CFAP251: variants seen among roughly 807,000 people sequenced by gnomAD.
The protein encoded by CFAP251 is cilia- and flagella-associated protein 251.
In CFAP251, 93 loss-of-function variants were observed where a neutral mutation model predicts 126.7. The observed-to-expected ratio is 0.73, with a 90% CI of 0.62 to 0.87. The LOEUF is 0.87. Among genes scored for constraint, CFAP251 ranks in the 40% least tolerant of loss-of-function variants. The probability of loss-of-function intolerance (pLI) is 0.00; values close to 1 mark genes in which losing one functional copy is unlikely to be tolerated. For synonymous variants in CFAP251, 503 were observed against 506.9 expected (o/e 0.99, Z 0.10); for missense variants, 1,287 against 1,389.2 (o/e 0.93, Z 1.17).
At position 121,921,464 on chromosome 12, in the gene CFAP251, G is replaced by C; in HGVS notation, c.159G>C (p.Glu53Asp). 2 of 1,509,676 alleles carry C rather than the reference G, an allele frequency of 1.3e-6. No homozygotes were observed. The highest frequency in any genetic ancestry group is 1.8e-6 in the Non-Finnish European group (2 of 1,095,368). 93.5% of individuals were successfully genotyped at this position (1,509,676 alleles called of 1,614,324 possible). A position where few individuals can be genotyped will look rare whatever the true frequency, so the allele number is the denominator to read the frequency against. ...DTIAWRESQEEERKTGEEEGE... is the reference protein window; with the variant it reads ...DTIAWRESQEDERKTGEEEGE... ...TAGCATGGAGAGAGTCTCAGGAGGA[G>C]GAGAGGAAAACGGGCGAGGAGGAAG... The change falls in exon 2 of 22, where the codon GAG (glutamate) becomes GAC (aspartate). Residue 53 changes from glutamate to aspartate, a missense_variant. Physicochemically the swap from Glu to Asp is conservative, Grantham distance 45 (BLOSUM62 2). Coordinates refer to ENST00000288912, the MANE Select transcript of CFAP251 (RefSeq NM_144668.6).
intron 19 of CFAP251, among the ~76,000 whole-genome samples, chr12:121,990,314 C>T (rs1882847497): frequency 6.6e-6 from 1 of 152,154 alleles, no homozygotes; most frequent in Non-Finnish European, 1.5e-5. Context: ...AGCCCCGGGG[C>T]ACCCTTCAGG....
In CFAP251 at chr12:121,968,144, G is replaced by T; in HGVS notation, c.2746G>T (p.Val916Leu). ...AFTAGGHDRS[V>L]VQWKITLSVL... ...CACTGCGGGAGGGCACGATCGCTCGGTGGTGCAGTGGAAAATCACCTTAAG... is the reference window on the plus strand; with the variant it reads ...CACTGCGGGAGGGCACGATCGCTCGTTGGTGCAGTGGAAAATCACCTTAAG... The change falls in exon 17 of 22, where the codon GTG becomes TTG. Residue 916 changes from valine (V) to leucine (L), a missense_variant. Physicochemically the swap from Val to Leu is conservative, Grantham distance 32. Coordinates refer to ENST00000288912, the MANE Select transcript of CFAP251 (RefSeq NM_144668.6). 2 of 1,608,292 alleles carry T rather than the reference G, an allele frequency of 1.2e-6. No individual in the cohort carries two copies. The highest frequency in any genetic ancestry group is 1.1e-5 in the South Asian group (1 of 90,894).
At chr12:121,966,867 A>C in intron 15 of CFAP251, 88 bp from the exon 16 acceptor site, 1 of 1,208,384 alleles carries the variant, frequency 8.3e-7, no homozygotes, top group South Asian at 1.3e-5. Flanking sequence ...TACAGGTGTG[A>C]GCCACTGCGC....
Position 121,960,533 on chromosome 12 carries a change from T to G in CFAP251, c.2134-52T>G, listed in dbSNP as rs368690428. On this transcript the variant is annotated intron_variant, in intron 13 of 21. Coordinates refer to ENST00000288912, the MANE Select transcript of CFAP251 (RefSeq NM_144668.6). ...GCGCCTGGCCCATAATGATGATTCTTAATTTACTAAACGTAAAATGGGATA... is the reference window on the plus strand; with the variant it reads ...GCGCCTGGCCCATAATGATGATTCTGAATTTACTAAACGTAAAATGGGATA... The G allele has an allele frequency of 1.4e-5, 23 of 1,598,868 alleles. No homozygotes were observed. In the African/African-American group the frequency reaches 2.8e-4, roughly 20 times the overall value.
intron 19 of CFAP251, among the ~76,000 whole-genome samples, chr12:121,985,120 T>TATAGG (rs1355238286): frequency 6.6e-6 from 1 of 152,258 alleles, no homozygotes; most frequent in Non-Finnish European, 1.5e-5. Flanking sequence ...AGCTTGGGCA[T>TATAGG]AGCTTAGGAG....
intron 3 of CFAP251, among the ~76,000 whole-genome samples, chr12:121,927,959 T>C (rs1275167127): frequency 6.6e-6 from 1 of 152,250 alleles, no homozygotes; most frequent in Admixed American, 6.5e-5. Context: ...GCTATCTCCA[T>C]AATCATCTGT....
chr12:121,957,196 C>T lies in CFAP251; in HGVS notation c.1658C>T (p.Pro553Leu). Residue 553 changes from proline to leucine, a missense_variant, in exon 11 of 22, where the codon CCA (proline) becomes CTA (leucine). By Grantham distance (98) the Pro-to-Leu change is moderately conservative (BLOSUM62 -3). Transcript: ENST00000288912. The part of the protein sequence containing the change: ...AIRTLSFSKT[P>L]ATPPTEKSNY... ...AGAACTCTGTCCTTTTCAAAGACCCCAGCAACTCCTCCTACTGAAAAATCA... is the reference window on the plus strand; with the variant it reads ...AGAACTCTGTCCTTTTCAAAGACCCTAGCAACTCCTCCTACTGAAAAATCA... The T allele has an allele frequency of 6.2e-7, 1 of 1,614,032 alleles. No individual in the cohort carries two copies. The highest frequency in any genetic ancestry group is 8.5e-7 in the Non-Finnish European group (1 of 1,179,982).
chr12:121,938,431 C>G (rs928383616), intron 5 of CFAP251, among the ~76,000 whole-genome samples: 4 of 151,822 alleles, frequency 2.6e-5, no homozygotes, highest in Admixed American at 2.0e-4. Context: ...AGATGATCCT[C>G]CCATCTCAGC....
chr12:121,969,069 G>C (rs541221963), intron 17 of CFAP251: 2 of 985,194 alleles, frequency 2.0e-6, no homozygotes, highest in Non-Finnish European at 2.4e-6. Flanking sequence ...GGCCTCTCTC[G>C]GTAGTGTGAC....
In CFAP251 at chr12:121,931,756, G is replaced by C. The variant is rs777336410; in HGVS notation, c.758G>C (p.Trp253Ser). The change falls in exon 4 of 22, where the codon TGG (tryptophan) becomes TCG (serine). Residue 253 changes from tryptophan to serine, a missense_variant. Transcript: ENST00000288912. ...GCCCTTGTCTTCCAGACCATGACCT[G>C]GTCGTTTGGATGGAACAGTTCTCTT... ...STPVYPLTMT[W>S]SFGWNSSLPV... The C allele has an allele frequency of 1.9e-6, 3 of 1,577,886 alleles. No individual in the cohort carries two copies. In the South Asian group the frequency reaches 3.6e-5, roughly 19 times the overall value.
chr12:121,922,060 G>T (rs1020021029), intron 2 of CFAP251, among the ~76,000 whole-genome samples: 2 of 149,764 alleles, frequency 1.3e-5, no homozygotes, highest in East Asian at 2.0e-4. Flanking sequence ...CTCCCAAAGT[G>T]CTAGGATTAC....
intron 17 of CFAP251, among the ~76,000 whole-genome samples, chr12:121,973,869 C>A (rs914489534): frequency 2.0e-5 from 3 of 152,172 alleles, no homozygotes; most frequent in African/African-American, 7.2e-5. Flanking sequence ...TTGCCTGTCT[C>A]AGATAAGACT....
Position 121,954,652 on chromosome 12 carries a change from A to AAAAAC in CFAP251, c.1535+322_1535+323insCAAAA, listed in dbSNP as rs1399199278. ...CTCCTGTCTTAAAAAAAAAAAAAAA[A>AAAAAC]AAAAAAAAAAAAAAAACCTCTTTTG... On this transcript the variant is annotated intron_variant, in intron 10 of 21. Transcript: ENST00000288912. Among the ~76,000 whole-genome samples the AAAAAC allele has an allele frequency of 1.9e-4, 29 of 149,246 alleles. 1 individual carries two copies. Among genetic ancestry groups the AAAAAC allele is most frequent in the Non-Finnish European group, 3.0e-4 (20 of 67,164 alleles).
chr12:121,934,137 A>G, intron 4 of CFAP251, 110 bp from the exon 5 acceptor site: 2 of 736,580 alleles, frequency 2.7e-6, no homozygotes, highest in Non-Finnish European at 4.3e-6. Flanking sequence ...CAGCCAGATG[A>G]GCGTTGAAAG....
At chr12:122,003,039 A>C (rs1230606406) in intron 21 of CFAP251, among the ~76,000 whole-genome samples, 1 of 152,104 alleles carries the variant, frequency 6.6e-6, no homozygotes, top group South Asian at 2.1e-4. Context: ...CCTGATTGTT[A>C]TATATTTCTG....
intron 3 of CFAP251, among the ~76,000 whole-genome samples, chr12:121,926,603 T>C (rs1211237723): frequency 1.3e-5 from 2 of 152,184 alleles, no homozygotes; most frequent in Non-Finnish European, 2.9e-5. Context: ...GTTGAGATTA[T>C]AGGTGTGAGC....
rs1032879151 is a variant in CFAP251 at position 121,937,286 on chromosome 12, C to T, written c.998+2930C>T. Among the ~76,000 whole-genome samples, 5 of 152,134 alleles carry T rather than the reference C, an allele frequency of 3.3e-5. No individual in the cohort carries two copies. In the South Asian group the frequency reaches 8.3e-4, roughly 25 times the overall value. On this transcript the variant is annotated intron_variant, in intron 5 of 21. Transcript: ENST00000288912. ...GTGGACGCATCCCTCCAATCTCTGCCGCCATCTTCCCATGACATTCCCACC... is the reference window on the plus strand; with the variant it reads ...GTGGACGCATCCCTCCAATCTCTGCTGCCATCTTCCCATGACATTCCCACC...
chr12:122,003,597 G>C, intron 21 of CFAP251, 55 bp from the exon 22 acceptor site: 1 of 1,470,374 alleles, frequency 6.8e-7, no homozygotes, highest in Non-Finnish European at 9.4e-7. Context: ...ACCCAAAAAA[G>C]AAAGAAACAT....
At chr12:121,956,360 C>A (rs148696444) in intron 10 of CFAP251, among the ~76,000 whole-genome samples, 131 of 152,324 alleles carry the variant, frequency 8.6e-4, no homozygotes, top group African/African-American at 2.9e-3. Flanking sequence ...GAAGAACTAG[C>A]AGAGAGCATG....
Sources: allele counts gnomAD v4.1 joint callset (sites outside exome capture counted in the v4.1 genomes callset), GRCh38; gene constraint gnomAD v4.1.1; transcripts MANE v1.5; gene names NCBI Gene and HGNC (gene_info 2026-07-23, HGNC 2026-07-21).